Variants in PCNX2 observed in about 807,000 individuals in gnomAD.
PCNX2 encodes pecanex 2, also known as pecanex-like protein 2.
A neutral mutation model predicts 223.8 loss-of-function variants in PCNX2; 168 were observed. That is an observed-to-expected ratio of 0.75 (90% CI 0.66 to 0.85). PCNX2 has a LOEUF of 0.85. PCNX2 is among the 40% of genes least tolerant of loss of function. The pLI is 0.00. For synonymous variants in PCNX2, 1,006 were observed against 1,052.6 expected (o/e 0.96, Z 0.86); for missense variants, 2,507 against 2,675.5 (o/e 0.94, Z 1.39).
chr1:233,303,451 G>T, the PCNX2 span, among the ~76,000 whole-genome samples: 1 of 152,110 alleles, frequency 6.6e-6, no homozygotes, highest in Non-Finnish European at 1.5e-5. Context: ...AGAGGTTAAG[G>T]CTTCAGTGAG....
intron 15 of PCNX2, among the ~76,000 whole-genome samples, chr1:233,187,482 C>A (rs1007763457): frequency 1.3e-5 from 2 of 152,168 alleles, no homozygotes; most frequent in Non-Finnish European, 2.9e-5. Context: ...GTATCCCTCA[C>A]TCCCCATCAG....
At chr1:233,288,686 A>G (rs1365544505) in intron 1 of PCNX2, among the ~76,000 whole-genome samples, 1 of 152,136 alleles carries the variant, frequency 6.6e-6, no homozygotes, top group African/African-American at 2.4e-5. Context: ...CATGCCGTCC[A>G]CAGAGCCATC....
chr1:233,027,743 TTC>T (rs1671132259), intron 25 of PCNX2, among the ~76,000 whole-genome samples: 2 of 152,164 alleles, frequency 1.3e-5, no homozygotes, highest in South Asian at 4.1e-4. Flanking sequence ...CTCCTCCTGC[TTC>T]TCTTTCTCTT....
At chr1:233,007,000 A>T (rs1443051571) in intron 28 of PCNX2, among the ~76,000 whole-genome samples, 2 of 152,064 alleles carry the variant, frequency 1.3e-5, no homozygotes, top group Non-Finnish European at 2.9e-5. Context: ...GAACCCAGCA[A>T]CCATACACTG....
intron 25 of PCNX2, among the ~76,000 whole-genome samples, chr1:233,040,360 T>C (rs560092118): frequency 6.6e-6 from 1 of 152,252 alleles, no homozygotes. Flanking sequence ...CATCCTCCCA[T>C]GAGAGAATGC....
intron 25 of PCNX2, among the ~76,000 whole-genome samples, chr1:233,054,012 A>G (rs1672100183): frequency 6.6e-6 from 1 of 152,166 alleles, no homozygotes; most frequent in South Asian, 2.1e-4. Flanking sequence ...AAGGATTAAA[A>G]TCAATATCCT....
chr1:233,322,407 A>G, the PCNX2 span, among the ~76,000 whole-genome samples: 1 of 152,136 alleles, frequency 6.6e-6, no homozygotes, highest in African/African-American at 2.4e-5. Context: ...CGAAGCAACA[A>G]ATGATACATT....
At chr1:233,076,152 T>A (rs1191635271) in intron 23 of PCNX2, among the ~76,000 whole-genome samples, 1 of 152,232 alleles carries the variant, frequency 6.6e-6, no homozygotes, top group Non-Finnish European at 1.5e-5. Context: ...TTGACTGATT[T>A]AAGGTTTCGA....
Position 233,160,322 on chromosome 1 carries a change from T to G in PCNX2, c.3478A>C (p.Ile1160Leu), listed in dbSNP as rs745379173. ...TGATGATACTCTTTGTTTTTGAGAA[T>G]GGGGTGTGAAATCCACATCCAGGGA... ...HHPWMWISHPILKNKEYHQRE... is the reference protein window; with the variant it reads ...HHPWMWISHPLLKNKEYHQRE... Residue 1160 changes from isoleucine (I) to leucine (L), a missense_variant, in exon 19 of 34, where the codon ATT becomes CTT. Physicochemically the swap from Ile to Leu is conservative, Grantham distance 5 (BLOSUM62 2). Transcript: ENST00000258229. 3.9e-5 allele frequency: 63 copies of G among 1,613,578 alleles called. 1 individual carries two copies. The Admixed American group carries it at 1.1e-3, about 27-fold the overall frequency.
At chr1:233,198,365 G>A (rs1287433146) in intron 15 of PCNX2, among the ~76,000 whole-genome samples, 2 of 152,162 alleles carry the variant, frequency 1.3e-5, no homozygotes, top group African/African-American at 4.8e-5. Flanking sequence ...AGCTGAGCCA[G>A]GTACCTACAA....
At chr1:233,275,788 T>C (rs1660874448) in intron 1 of PCNX2, among the ~76,000 whole-genome samples, 1 of 151,760 alleles carries the variant, frequency 6.6e-6, no homozygotes, top group African/African-American at 2.4e-5. Flanking sequence ...TCCCAGCACT[T>C]TGTGAGGCCG....
intron 8 of PCNX2, among the ~76,000 whole-genome samples, chr1:233,245,938 A>G (rs1178912770): frequency 6.6e-6 from 1 of 152,034 alleles, no homozygotes; most frequent in East Asian, 1.9e-4. Flanking sequence ...AAACAAACAA[A>G]CAAAAGAAAC....
the PCNX2 span, among the ~76,000 whole-genome samples, chr1:233,315,756 A>G: frequency 6.6e-6 from 1 of 152,222 alleles, no homozygotes; most frequent in Non-Finnish European, 1.5e-5. Context: ...CAAAGCAAGT[A>G]TAAACCAATT....
In PCNX2 at chr1:233,217,951, T is replaced by C. The variant is rs1657080677; in HGVS notation, c.2659-20A>G. On this transcript the variant is annotated intron_variant, in intron 11 of 33. Coordinates refer to ENST00000258229, the MANE Select transcript of PCNX2 (RefSeq NM_014801.4). ...AACACTCTAAAACACAAATCAGAAGTGTCTGTGTCATCATCTCATGATTTC... is the reference window on the plus strand; with the variant it reads ...AACACTCTAAAACACAAATCAGAAGCGTCTGTGTCATCATCTCATGATTTC... The C allele has an allele frequency of 1.9e-6, 3 of 1,613,746 alleles. No homozygotes were observed. Among genetic ancestry groups the C allele is most frequent in the Non-Finnish European group, 2.5e-6 (3 of 1,179,820 alleles).
intron 10 of PCNX2, among the ~76,000 whole-genome samples, chr1:233,223,027 G>A (rs1657484597): frequency 6.6e-6 from 1 of 152,212 alleles, no homozygotes; most frequent in South Asian, 2.1e-4. Context: ...GGCAGATAGA[G>A]AAAGAATGAA....
At position 233,095,144 on chromosome 1, in the gene PCNX2, A is replaced by C. The variant is rs574106601; in HGVS notation, c.3946+611T>G. Among the ~76,000 whole-genome samples, 7 of 152,340 alleles carry C rather than the reference A, an allele frequency of 4.6e-5. No homozygotes were observed. In the South Asian group the frequency reaches 1.4e-3, roughly 32 times the overall value. On this transcript the variant is annotated intron_variant, in intron 22 of 33. Transcript: ENST00000258229. ...ATATAAAACTTAGCTATCAATGTCA[A>C]AGTGATGTTTAGAAGGAGCATCTCA...
intron 23 of PCNX2, among the ~76,000 whole-genome samples, chr1:233,086,717 T>G (rs527244765): frequency 6.6e-6 from 1 of 151,846 alleles, no homozygotes; most frequent in African/African-American, 2.4e-5. Context: ...AAAATTCAGT[T>G]CCTCCATCAG....
chr1:233,289,267 T>G, intron 1 of PCNX2: 1 of 966,228 alleles, frequency 1.0e-6, no homozygotes, highest in South Asian at 1.3e-5. Flanking sequence ...ACAAAGATTA[T>G]GATAGCTTTC....
At chr1:233,151,747 T>C (rs1229827249) in intron 19 of PCNX2, among the ~76,000 whole-genome samples, 1 of 152,228 alleles carries the variant, frequency 6.6e-6, no homozygotes, top group Non-Finnish European at 1.5e-5. Flanking sequence ...CAATCTCTGC[T>C]CACTGCAACC....
Sources: gnomAD v4.1 joint callset for allele counts (sites outside exome capture counted in the v4.1 genomes callset) on GRCh38, gnomAD v4.1.1 for gene constraint, MANE v1.5 for transcripts, NCBI Gene and HGNC (gene_info 2026-07-23, HGNC 2026-07-21) for gene names.